The following GABBR2 variants were observed in gnomAD, a reference collection of about 807,000 sequenced individuals.
The protein encoded by GABBR2 is G-protein coupled receptor 51.
Under a neutral mutation model 105.6 loss-of-function variants are expected in GABBR2, and 23 were observed. The observed-to-expected ratio is 0.22, with a 90% confidence interval of 0.16 to 0.31. The LOEUF (loss-of-function observed/expected upper bound fraction) is 0.31. Ranked by LOEUF, GABBR2 falls within the 10% of genes least tolerant of loss-of-function variation. GABBR2 has a pLI of 1.00. For missense variants in GABBR2, 734 were observed against 1,245.5 expected (o/e 0.59, Z 6.18); for synonymous variants, 478 against 499.7 (o/e 0.96, Z 0.58).
At chr9:98,436,358 TA>T (rs1564068220) in intron 7 of GABBR2, among the ~76,000 whole-genome samples, 1 of 3,594 alleles carries the variant, frequency 2.8e-4, no homozygotes, top group African/African-American at 8.5e-4. Context: ...CATATATATA[TA>T]TATATATATA....
At chr9:98,581,955 A>G (rs1829009192) in intron 1 of GABBR2, among the ~76,000 whole-genome samples, 1 of 152,244 alleles carries the variant, frequency 6.6e-6, no homozygotes, top group Non-Finnish European at 1.5e-5. Context: ...GGATATGTCA[A>G]CTAAAATATC....
intron 7 of GABBR2, among the ~76,000 whole-genome samples, chr9:98,432,161 G>A (rs1414896170): frequency 1.3e-5 from 2 of 152,200 alleles, no homozygotes; most frequent in Non-Finnish European, 2.9e-5. Context: ...CTCCCAAAGT[G>A]CTAGGATTAT....
intron 1 of GABBR2, among the ~76,000 whole-genome samples, chr9:98,645,576 T>A (rs1362565426): frequency 6.6e-6 from 1 of 152,132 alleles, no homozygotes; most frequent in Non-Finnish European, 1.5e-5. Context: ...CAGAAAACTA[T>A]CAGCAACTGA....
At position 98,453,999 on chromosome 9, in the gene GABBR2, G is replaced by C. The variant is rs1196002479; in HGVS notation, c.1218C>G (p.Thr406=). 1 of 1,612,772 alleles carries C rather than the reference G, an allele frequency of 6.2e-7. No homozygotes were observed. The highest frequency in any genetic ancestry group is 8.5e-7 in the Non-Finnish European group (1 of 1,178,820). The change falls in exon 7 of 19, where the codon ACC becomes ACG. Residue 406 remains threonine, a synonymous_variant. Coordinates refer to ENST00000259455, the MANE Select transcript of GABBR2 (RefSeq NM_005458.8). ...GRIILNAMNE[T]NFFGVTGQVV... is the part of the protein sequence containing the mutation. ...GACTGACCGTGACCCCGAAGAAGTT[G>C]GTCTCGTTCATGGCATTGAGGATGA... is the stretch of plus-strand genomic sequence containing the variant.
chr9:98,564,566 C>G (rs1186739121), intron 2 of GABBR2, among the ~76,000 whole-genome samples: 1 of 152,200 alleles, frequency 6.6e-6, no homozygotes, highest in African/African-American at 2.4e-5. Context: ...ATAACAGCCT[C>G]TTAGGGTTGG....
intron 1 of GABBR2, among the ~76,000 whole-genome samples, chr9:98,705,710 C>T (rs183602331): frequency 7.9e-5 from 12 of 152,356 alleles, no homozygotes; most frequent in Non-Finnish European, 2.9e-5. Context: ...CTGATCCTTC[C>T]TTCACTCTGG....
intron 13 of GABBR2, among the ~76,000 whole-genome samples, chr9:98,340,079 G>A (rs1166690973): frequency 6.6e-6 from 1 of 152,090 alleles, no homozygotes; most frequent in Non-Finnish European, 1.5e-5. Flanking sequence ...GCCACCAGCT[G>A]TGTCCCGGGG....
chr9:98,661,080 T>G lies in GABBR2; in HGVS notation c.321+47337A>C, dbSNP rs947485917. On this transcript the variant is annotated intron_variant, in intron 1 of 18. Transcript: ENST00000259455. ...GCCATTACACCCAGATAATTCTTTT[T>G]GTGTTTTTAGTAGAGATGGGGTTTC... 2.0e-5 allele frequency among the ~76,000 whole-genome samples: 3 copies of G among 152,170 alleles called. No homozygotes were observed. The South Asian group carries it at 6.2e-4, about 31-fold the overall frequency.
chr9:98,536,765 G>A (rs936348296), intron 3 of GABBR2, among the ~76,000 whole-genome samples: 35 of 152,148 alleles, frequency 2.3e-4, no homozygotes, highest in African/African-American at 7.0e-4. Context: ...GCCCCTCAAT[G>A]TGCACACGGG....
At chr9:98,390,231 G>A (rs1034583576) in intron 9 of GABBR2, among the ~76,000 whole-genome samples, 4 of 151,848 alleles carry the variant, frequency 2.6e-5, no homozygotes, top group African/African-American at 9.7e-5. Context: ...GAAAATAGCT[G>A]GGTGTGCTGG....
At chr9:98,467,759 A>G (rs1826590729) in intron 6 of GABBR2, among the ~76,000 whole-genome samples, 1 of 152,222 alleles carries the variant, frequency 6.6e-6, no homozygotes, top group Admixed American at 6.5e-5. Flanking sequence ...TGTGCCTTTG[A>G]TGGAGGGCTA....
At chr9:98,624,709 C>T (rs1336057364) in intron 1 of GABBR2, among the ~76,000 whole-genome samples, 2 of 152,102 alleles carry the variant, frequency 1.3e-5, no homozygotes, top group Non-Finnish European at 2.9e-5. Flanking sequence ...GCCTAAGGAA[C>T]TTGGCCTGCA....
intron 6 of GABBR2, among the ~76,000 whole-genome samples, chr9:98,463,890 C>T (rs968695515): frequency 6.6e-6 from 1 of 152,180 alleles, no homozygotes; most frequent in Non-Finnish European, 1.5e-5. Context: ...CCCGCCTCGG[C>T]CTCCCAAGGT....
At chr9:98,495,185 G>A (rs1034396507) in intron 4 of GABBR2, among the ~76,000 whole-genome samples, 8 of 152,214 alleles carry the variant, frequency 5.3e-5, no homozygotes, top group African/African-American at 9.6e-5. Context: ...AATGTGACCC[G>A]CAGGCTCTGT....
At position 98,290,676 on chromosome 9, in the gene GABBR2, C is replaced by T. The variant is rs749468798; in HGVS notation, c.2734G>A (p.Ala912Thr). 1.3e-5 allele frequency: 19 copies of T among 1,476,770 alleles called. No individual in the cohort carries two copies. The highest frequency in any genetic ancestry group is 3.7e-4 in the Middle Eastern group (2 of 5,476). 91.5% of individuals were successfully genotyped at this position (1,476,770 alleles called of 1,614,324 possible). Residue 912 changes from alanine (A) to threonine (T), a missense_variant, in exon 19 of 19, where the codon GCC becomes ACC. This residue lies in a region of GABBR2 where 134 missense variants were observed against 171.2 expected (regional missense o/e 0.78). Transcript: ENST00000259455. ...CTGACGCAGGGGCTGACACAGCTGG[C>T]GTCCACGCCTCCGATGGATGGGAGG... ...AYLPSIGGVD[A>T]SCVSPCVSPT... is the part of the protein sequence containing the mutation.
intron 1 of GABBR2, among the ~76,000 whole-genome samples, chr9:98,616,751 CAA>C (rs35879049): frequency 1.4e-5 from 2 of 143,658 alleles, no homozygotes; most frequent in Admixed American, 7.0e-5. Flanking sequence ...GACTCCGTCT[CAA>C]AAAAAAAAAA....
Position 98,548,429 on chromosome 9 carries a change from T to C in GABBR2, c.460-6386A>G, listed in dbSNP as rs1828431177. ...ATCAACACAGTACATTAAATTCCCT[T>C]CCTGCACTGCTGCTAGGGTTTTTCT... On this transcript the variant is annotated intron_variant, in intron 2 of 18. Transcript: ENST00000259455. 1.7e-5 allele frequency among the ~76,000 whole-genome samples: 2 copies of C among 117,630 alleles called. 1 individual carries two copies. The allele number at this position is 117,630 out of a possible 152,430, so 77.2% of individuals were successfully genotyped here.
At chr9:98,702,319 T>A (rs1339058797) in intron 1 of GABBR2, among the ~76,000 whole-genome samples, 1 of 151,962 alleles carries the variant, frequency 6.6e-6, no homozygotes, top group Non-Finnish European at 1.5e-5. Flanking sequence ...TTGCCCCTCC[T>A]GCCCTGTCGG....
At chr9:98,292,444 C>T (rs941948104) in intron 18 of GABBR2, among the ~76,000 whole-genome samples, 2 of 152,148 alleles carry the variant, frequency 1.3e-5, no homozygotes, top group Non-Finnish European at 1.5e-5. Flanking sequence ...CTGGGTGTGC[C>T]CTTGGGGTTC....
Sources: gnomAD v4.1 joint callset for allele counts (sites outside exome capture counted in the v4.1 genomes callset) on GRCh38, gnomAD v4.1.1 for gene constraint, gnomAD v4.1.1 regional missense constraint, MANE v1.5 for transcripts, NCBI Gene and HGNC (gene_info 2026-07-23, HGNC 2026-07-21) for gene names.